RGS6: variants seen among roughly 807,000 people sequenced by gnomAD.
RGS6 encodes the protein regulator of G protein signaling 6, also known as regulator of G-protein signaling 6.
RGS6 carries 30 observed loss-of-function variants against 78.5 expected under a neutral mutation model. The observed-to-expected ratio is 0.38, with a 90% CI of 0.29 to 0.52. The LOEUF (loss-of-function observed/expected upper bound fraction) is 0.52, where lower values mean the gene tolerates loss of function less well. Among genes scored for constraint, RGS6 ranks in the 20% least tolerant of loss-of-function variants. RGS6 has a pLI of 0.85. For synonymous variants in RGS6, 206 were observed against 206.0 expected, an observed-to-expected ratio of 1.00 and a Z score of 0.00; for missense variants, 495 against 609.7, an observed-to-expected ratio of 0.81 and a Z score of 1.98.
intron 3 of RGS6, among the ~76,000 whole-genome samples, chr14:72,396,514 G>T (rs982727702): frequency 1.3e-5 from 2 of 151,926 alleles, no homozygotes; most frequent in Non-Finnish European, 2.9e-5. Context: ...CTCTGATGGT[G>T]GTTTCTTTTG....
At chr14:72,414,375 C>G (rs1423089649) in intron 3 of RGS6, among the ~76,000 whole-genome samples, 1 of 152,240 alleles carries the variant, frequency 6.6e-6, no homozygotes, top group Non-Finnish European at 1.5e-5. Context: ...GAGGCTTGTG[C>G]ATTCGTCACA....
chr14:71,999,081 TAA>T (rs2082901852), intron 2 of RGS6, among the ~76,000 whole-genome samples: 1 of 152,080 alleles, frequency 6.6e-6, no homozygotes, highest in Non-Finnish European at 1.5e-5. Context: ...ATAATAATGA[TAA>T]AGTTAGTTAA....
At chr14:72,614,393 C>T in the RGS6 span, among the ~76,000 whole-genome samples, 3 of 152,176 alleles carry the variant, frequency 2.0e-5, no homozygotes, top group East Asian at 5.8e-4. Flanking sequence ...TCAAAACGGG[C>T]AACACACAGC....
the RGS6 span, among the ~76,000 whole-genome samples, chr14:71,877,422 C>T: frequency 6.6e-6 from 1 of 152,176 alleles, no homozygotes; most frequent in Admixed American, 6.5e-5. Context: ...TCATTTCATT[C>T]ATTTGATCTT....
At chr14:72,351,438 T>C (rs566267451) in intron 2 of RGS6, among the ~76,000 whole-genome samples, 3 of 152,226 alleles carry the variant, frequency 2.0e-5, no homozygotes, top group Non-Finnish European at 4.4e-5. Context: ...TTTTTCCTGA[T>C]AGCATGGTCT....
chr14:72,179,328 G>A (rs2097144690), intron 2 of RGS6, among the ~76,000 whole-genome samples: 1 of 152,182 alleles, frequency 6.6e-6, no homozygotes, highest in African/African-American at 2.4e-5. Flanking sequence ...CTTGAAGAGG[G>A]CTATCAGGCT....
intron 3 of RGS6, among the ~76,000 whole-genome samples, chr14:72,435,552 G>A (rs1275277066): frequency 6.6e-6 from 1 of 152,124 alleles, no homozygotes; most frequent in Non-Finnish European, 1.5e-5. Context: ...TTATAGGTCT[G>A]GAGGCCAGAA....
At chr14:72,032,567 T>C (rs1396478746) in intron 2 of RGS6, among the ~76,000 whole-genome samples, 1 of 152,182 alleles carries the variant, frequency 6.6e-6, no homozygotes, top group Non-Finnish European at 1.5e-5. Context: ...AAACCTCATT[T>C]TGCAAACCTG....
intron 2 of RGS6, among the ~76,000 whole-genome samples, chr14:72,323,282 A>C (rs2072622558): frequency 6.6e-6 from 1 of 152,138 alleles, no homozygotes; most frequent in African/African-American, 2.4e-5. Flanking sequence ...TTACAATAAG[A>C]ATAAATTTAA....
chr14:72,229,723 C>T (rs2049068062), intron 2 of RGS6, among the ~76,000 whole-genome samples: 2 of 152,168 alleles, frequency 1.3e-5, no homozygotes, highest in African/African-American at 2.4e-5. Context: ...GTTGGGAAGT[C>T]CAGGGATAAA....
chr14:72,260,747 T>C (rs1464692883), intron 2 of RGS6, among the ~76,000 whole-genome samples: 1 of 152,218 alleles, frequency 6.6e-6, no homozygotes, highest in African/African-American at 2.4e-5. Context: ...AGCACAGCGA[T>C]GATTTTAGGG....
chr14:71,926,582 T>G, the RGS6 span, among the ~76,000 whole-genome samples: 1 of 86,926 alleles, frequency 1.2e-5, no homozygotes, highest in Non-Finnish European at 2.2e-5. Flanking sequence ...AGACTCTGTC[T>G]CAGAAAAAAA....
intron 16 of RGS6, among the ~76,000 whole-genome samples, chr14:72,538,042 T>C (rs2097273248): frequency 6.6e-6 from 1 of 152,218 alleles, no homozygotes; most frequent in Non-Finnish European, 1.5e-5. Flanking sequence ...AGGGATGTTC[T>C]TGAGACAGAA....
chr14:72,238,733 GTC>G (rs1304433550), intron 2 of RGS6, among the ~76,000 whole-genome samples: 8 of 152,260 alleles, frequency 5.3e-5, no homozygotes, highest in Admixed American at 2.0e-4. Flanking sequence ...AGGTTCCTGA[GTC>G]TCTCTTTCTC....
chr14:72,596,141 C>T, the RGS6 span, among the ~76,000 whole-genome samples: 2 of 152,166 alleles, frequency 1.3e-5, no homozygotes, highest in African/African-American at 2.4e-5. Context: ...GTTCCGAAGC[C>T]CCTAAAGTCA....
chr14:72,576,009 A>C, the RGS6 span, among the ~76,000 whole-genome samples: 1 of 152,248 alleles, frequency 6.6e-6, no homozygotes, highest in Non-Finnish European at 1.5e-5. Flanking sequence ...GCTATCTTGT[A>C]GAACTGCCTC....
intron 2 of RGS6, among the ~76,000 whole-genome samples, chr14:72,074,333 C>CTA (rs1289524011): frequency 3.9e-5 from 6 of 152,092 alleles, no homozygotes; most frequent in African/African-American, 1.5e-4. Flanking sequence ...GTAGCTGGGA[C>CTA]TATAGGTGCT....
At chr14:71,976,260 TA>T (rs1404175077) in intron 2 of RGS6, among the ~76,000 whole-genome samples, 6 of 151,562 alleles carry the variant, frequency 4.0e-5, no homozygotes, top group African/African-American at 1.4e-4. Flanking sequence ...TTTTATTTTT[TA>T]TTTTTTTTAA....
intron 17 of RGS6, among the ~76,000 whole-genome samples, chr14:72,549,960 C>T (rs2097478632): frequency 6.6e-6 from 1 of 152,194 alleles, no homozygotes; most frequent in African/African-American, 2.4e-5. Context: ...GACTTGTCCT[C>T]AGCCCAGCTC....
Sources: gnomAD v4.1 joint callset for allele counts (sites outside exome capture counted in the v4.1 genomes callset) on GRCh38, gnomAD v4.1.1 for gene constraint, MANE v1.5 for transcripts, NCBI Gene and HGNC (gene_info 2026-07-23, HGNC 2026-07-21) for gene names.